AKAP12: variants seen among roughly 807,000 people sequenced by gnomAD.
The protein encoded by AKAP12 is A-kinase anchor protein 12.
Under a neutral mutation model 79.9 loss-of-function variants are expected in AKAP12, and 32 were observed. The observed-to-expected ratio is 0.40, with a 90% CI of 0.30 to 0.54. The LOEUF (loss-of-function observed/expected upper bound fraction) is 0.54. AKAP12 is among the 20% of genes least tolerant of loss of function. The pLI is 0.48. For synonymous variants in AKAP12, 808 were observed against 857.0 expected, an observed-to-expected ratio of 0.94 and a Z score of 1.00; for missense variants, 2,074 against 2,177.0, an observed-to-expected ratio of 0.95 and a Z score of 0.94.
chr6:151,240,463 G>T lies in AKAP12; in HGVS notation c.-100G>T. 1 of 1,265,528 alleles carries T rather than the reference G, an allele frequency of 7.9e-7. No homozygotes were observed. Among genetic ancestry groups the T allele is most frequent in the Non-Finnish European group, 1.0e-6 (1 of 995,694 alleles). The allele number at this position is 1,265,528 out of a possible 1,614,324, so 78.4% of individuals were successfully genotyped here. A position where few individuals can be genotyped will look rare whatever the true frequency, so the allele number is the denominator to read the frequency against. ...GCTGGCGGCGAAGGAAGGCGCTCTC[G>T]GGACCTCGCGGGCGCGCGTCTTTTG... On this transcript the variant is annotated 5_prime_UTR_variant, in exon 2 of 5. Coordinates refer to ENST00000402676, the MANE Select transcript of AKAP12 (RefSeq NM_005100.4).
rs758921125 is a variant in AKAP12 at position 151,351,621 on chromosome 6, C to T, written c.3230C>T (p.Pro1077Leu). 9.3e-6 allele frequency: 15 copies of T among 1,613,980 alleles called. No individual in the cohort carries two copies. Among genetic ancestry groups the T allele is most frequent in the Non-Finnish European group, 8.5e-7 (1 of 1,180,046 alleles). Residue 1077 changes from proline to leucine, a missense_variant, in exon 4 of 5, where the codon CCA (proline) becomes CTA (leucine). By Grantham distance (98) the Pro-to-Leu change is moderately conservative. This residue lies in a region of AKAP12 where 1,428 missense variants were observed against 1,451.0 expected (regional missense o/e 0.98). Transcript: ENST00000402676. This position sits in a 1 kb window ranked among gnomAD's most constrained non-coding sequence, Gnocchi z 4.4. The stretch of plus-strand genomic sequence containing the variant: ...GTGCAGAGAGCAGAGGCAGAAAGAC[C>T]AGAAGAGCAGGCTGAAGCGTCGGGT... ...QPVQRAEAER[P>L]EEQAEASGLK...
chr6:151,300,844 G>A (rs1205893052), intron 2 of AKAP12, among the ~76,000 whole-genome samples: 1 of 152,018 alleles, frequency 6.6e-6, no homozygotes, highest in Non-Finnish European at 1.5e-5. Context: ...GTTCAAAGGA[G>A]GCATTTGTGC....
chr6:151,311,757 G>C (rs1196649446), intron 3 of AKAP12, among the ~76,000 whole-genome samples: 2 of 152,282 alleles, frequency 1.3e-5, no homozygotes, highest in Admixed American at 6.5e-5. Context: ...CTGGTGTACA[G>C]TTCCTCTGGG....
chr6:151,248,338 G>A (rs1797115018), intron 2 of AKAP12, among the ~76,000 whole-genome samples: 2 of 150,696 alleles, frequency 1.3e-5, no homozygotes, highest in South Asian at 2.1e-4. Flanking sequence ...CCCGGACTCA[G>A]GCCATCCTTT....
At position 151,345,089 on chromosome 6, in the gene AKAP12, T is replaced by G. The variant is rs555513518; in HGVS notation, c.320-3622T>G. Among the ~76,000 whole-genome samples the G allele has an allele frequency of 1.6e-3, 239 of 151,870 alleles. 1 individual carries two copies. The highest frequency in any genetic ancestry group is 3.7e-3 in the African/African-American group (152 of 41,412). The stretch of plus-strand genomic sequence containing the variant: ...TATGTACTAGTTATAATTTTTTTTT[T>G]GGGGGGGACAGAGTCTTGCTGTGTC... On this transcript the variant is annotated intron_variant, in intron 3 of 4. Transcript: ENST00000402676.
intron 3 of AKAP12, among the ~76,000 whole-genome samples, chr6:151,326,502 A>G (rs890074250): frequency 2.5e-4 from 37 of 145,544 alleles, no homozygotes; most frequent in Admixed American, 6.8e-4. Context: ...AAAAAAAAAA[A>G]AAAAGAAAAA....
chr6:151,327,267 T>A (rs1489997009), intron 3 of AKAP12, among the ~76,000 whole-genome samples: 1 of 152,162 alleles, frequency 6.6e-6, no homozygotes, highest in Non-Finnish European at 1.5e-5. Flanking sequence ...TCCTATAGAT[T>A]AGCTTGTTTA....
At chr6:151,277,003 C>G (rs1408707436) in intron 2 of AKAP12, among the ~76,000 whole-genome samples, 1 of 152,186 alleles carries the variant, frequency 6.6e-6, no homozygotes, top group African/African-American at 2.4e-5. Context: ...TCAAATCTTG[C>G]TCTTGGTCAT....
intron 3 of AKAP12, among the ~76,000 whole-genome samples, chr6:151,331,920 A>G (rs1393227138): frequency 1.3e-5 from 2 of 150,558 alleles, no homozygotes; most frequent in Non-Finnish European, 3.0e-5. Context: ...TTGGAGTACT[A>G]GTAGCACGAT....
chr6:151,355,023 T>G (rs1044851389), intron 4 of AKAP12, among the ~76,000 whole-genome samples: 3 of 151,924 alleles, frequency 2.0e-5, no homozygotes, highest in African/African-American at 7.3e-5. Flanking sequence ...TGAGACAGAG[T>G]CTCACTCTGT....
At chr6:151,249,406 C>G (rs1224970345) in intron 2 of AKAP12, among the ~76,000 whole-genome samples, 1 of 152,172 alleles carries the variant, frequency 6.6e-6, no homozygotes, top group African/African-American at 2.4e-5. Flanking sequence ...TCTCGAACTC[C>G]TGAGCTCAAG....
chr6:151,257,806 CTTATTAAG>C (rs1016884910), intron 2 of AKAP12, among the ~76,000 whole-genome samples: 3 of 152,092 alleles, frequency 2.0e-5, no homozygotes, highest in African/African-American at 7.2e-5. Context: ...TTTTAATCTC[CTTATTAAG>C]TTACATCTGT....
chr6:151,320,073 C>G (rs1276369559), intron 3 of AKAP12: 2 of 152,126 alleles, frequency 1.3e-5, no homozygotes, highest in Non-Finnish European at 2.9e-5. Flanking sequence ...CCGTGACACT[C>G]ATATTTGGGT....
intron 2 of AKAP12, among the ~76,000 whole-genome samples, chr6:151,273,947 T>C (rs947493518): frequency 6.6e-6 from 1 of 151,932 alleles, no homozygotes; most frequent in African/African-American, 2.4e-5. Context: ...GAGACTCGCA[T>C]GAACCCAGGA....
Position 151,350,596 on chromosome 6 carries a change from T to A in AKAP12, c.2205T>A (p.His735Gln). Residue 735 changes from histidine (H) to glutamine (Q), a missense_variant, in exon 4 of 5, where the codon CAT becomes CAA. His to Gln is a conservative substitution (Grantham distance 24, BLOSUM62 0). Around this residue, in one of 3 missense-constraint regions of AKAP12, gnomAD observed 1,428 missense variants for 1,451.0 expected, o/e 0.98. Transcript: ENST00000402676. This position sits in a 1 kb window ranked among gnomAD's most constrained non-coding sequence, Gnocchi z 4.8. Reference protein sequence around the residue: ...TDGILAGSQEHDPGQGSSSPE... With the variant: ...TDGILAGSQEQDPGQGSSSPE... ...GGATCCTTGCTGGTTCCCAAGAACATGATCCAGGGCAGGGAAGTTCCTCCC... is the reference window on the plus strand; with the variant it reads ...GGATCCTTGCTGGTTCCCAAGAACAAGATCCAGGGCAGGGAAGTTCCTCCC... 3.1e-6 allele frequency: 5 copies of A among 1,614,012 alleles called. No individual in the cohort carries two copies. The highest frequency in any genetic ancestry group is 4.2e-6 in the Non-Finnish European group (5 of 1,180,004).
chr6:151,311,673 G>A (rs902434801), intron 3 of AKAP12, among the ~76,000 whole-genome samples: 54 of 152,248 alleles, frequency 3.5e-4, no homozygotes, highest in African/African-American at 1.3e-3. Flanking sequence ...ACACTTTAGA[G>A]AATTTCATTT....
chr6:151,282,653 C>A (rs981203325), intron 2 of AKAP12, among the ~76,000 whole-genome samples: 1 of 152,152 alleles, frequency 6.6e-6, no homozygotes, highest in Non-Finnish European at 1.5e-5. Flanking sequence ...CAGAATGGGG[C>A]TCTCCGCAGT....
Position 151,350,241 on chromosome 6 carries a change from T to C in AKAP12, c.1850T>C (p.Val617Ala). Residue 617 changes from valine to alanine, a missense_variant, in exon 4 of 5, where the codon GTG becomes GCG. Around this residue, in one of 3 missense-constraint regions of AKAP12, gnomAD observed 1,428 missense variants for 1,451.0 expected, o/e 0.98. Coordinates refer to ENST00000402676, the MANE Select transcript of AKAP12 (RefSeq NM_005100.4). The surrounding 1 kb of genome is among the most constrained non-coding windows in gnomAD (Gnocchi z 4.8). ...CCCTGGGCATCATTCAAAAAGATGG[T>C]GACGCCCAAGAAGCGTGTTAGACGG... ...VTPWASFKKM[V>A]TPKKRVRRPS... The C allele has an allele frequency of 6.2e-7, 1 of 1,613,662 alleles. No individual in the cohort carries two copies. Among genetic ancestry groups the C allele is most frequent in the Non-Finnish European group, 8.5e-7 (1 of 1,179,922 alleles).
rs377292448 is a variant in AKAP12 at position 151,356,829 on chromosome 6, AGAAT to A, written c.*1116_*1119del. 20 of 152,356 alleles carry A rather than the reference AGAAT, an allele frequency of 1.3e-4. No homozygotes were observed. The East Asian group carries it at 2.1e-3, about 16-fold the overall frequency. The allele number at this position is 152,356 out of a possible 1,614,324, so 9.4% of individuals were successfully genotyped here. A position where few individuals can be genotyped will look rare whatever the true frequency, so the allele number is the denominator to read the frequency against. On this transcript the variant is annotated 3_prime_UTR_variant, in exon 5 of 5. Coordinates refer to ENST00000402676, the MANE Select transcript of AKAP12 (RefSeq NM_005100.4). ...GCCTGGGACATATGTGTACCACATT[AGAAT>A]TCTAAAGATAATGATTGATAAGCTA...
Sources: gnomAD v4.1 joint callset for allele counts (sites outside exome capture counted in the v4.1 genomes callset) on GRCh38, gnomAD v4.1.1 for gene constraint, gnomAD v4.1.1 regional missense constraint, Gnocchi (gnomAD v3.1) non-coding constraint, MANE v1.5 for transcripts, NCBI Gene and HGNC (gene_info 2026-07-23, HGNC 2026-07-21) for gene names.